The following TXN2 variants were observed in gnomAD, a reference collection of about 807,000 sequenced individuals.
TXN2 encodes the protein thioredoxin, mitochondrial.
In TXN2, 12 loss-of-function variants were observed where a neutral mutation model predicts 14.6. The ratio of observed to expected loss-of-function variants is 0.82; its 90% confidence interval spans 0.53 to 1.33. The LOEUF (loss-of-function observed/expected upper bound fraction) is 1.33. Ranked by LOEUF, TXN2 falls within the 40% of genes most tolerant of loss-of-function variation. The pLI is 0.00. For synonymous variants in TXN2, 89 were observed against 81.0 expected (o/e 1.10, Z -0.53); for missense variants, 173 against 207.7 (o/e 0.83, Z 1.03).
intron 2 of TXN2, 31 bp from the exon 3 acceptor site, chr22:36,476,887 A>C (rs1490918524): frequency 1.9e-6 from 3 of 1,613,758 alleles, no homozygotes; most frequent in Non-Finnish European, 2.5e-6. Context: ...GCATCCAGTC[A>C]GTCAAAAGAG....
Position 36,478,685 on chromosome 22 carries a change from G to A in TXN2, c.264-1829C>T, listed in dbSNP as rs140952673. ...GGTTTTAAATGCTGAAAAATAGGCC[G>A]GGCATAATGGCTCACACCTGTAATC... On this transcript the variant is annotated intron_variant, in intron 2 of 3. Transcript: ENST00000216185. Among the ~76,000 whole-genome samples, 674 of 152,242 alleles carry A rather than the reference G, an allele frequency of 4.4e-3. 3 individuals carry two copies. The highest frequency in any genetic ancestry group is 0.015 in the African/African-American group (643 of 41,546).
At chr22:36,476,703 T>C in intron 3 of TXN2, 30 bp downstream of exon 3, 1 of 1,613,538 alleles carries the variant, frequency 6.2e-7, no homozygotes, top group Non-Finnish European at 8.5e-7. Flanking sequence ...TATACTGGCT[T>C]CCCTGTGGCA....
At position 36,467,601 on chromosome 22, in the gene TXN2, C is replaced by T; in HGVS notation, c.*203G>A. On this transcript the variant is annotated 3_prime_UTR_variant, in exon 4 of 4. Transcript: ENST00000216185. ...GGCGTATGGGAGGGAAGACAGCGGT[C>T]CCCGGATCAGCAGCAGCACCACCAT... The T allele has an allele frequency of 5.3e-6, 3 of 566,904 alleles. No individual in the cohort carries two copies. 35.1% of individuals were successfully genotyped at this position (566,904 alleles called of 1,614,324 possible). A position where few individuals can be genotyped will look rare whatever the true frequency, so the allele number is the denominator to read the frequency against.
intron 2 of TXN2, among the ~76,000 whole-genome samples, chr22:36,478,235 G>T (rs1396466999): frequency 6.6e-6 from 1 of 151,936 alleles, no homozygotes; most frequent in African/African-American, 2.4e-5. Flanking sequence ...CTGATCATAG[G>T]TATTCCCCTC....
chr22:36,471,505 G>A (rs1033866072), intron 3 of TXN2, among the ~76,000 whole-genome samples: 3 of 152,218 alleles, frequency 2.0e-5, no homozygotes, highest in East Asian at 1.9e-4. Context: ...CCTCCTCCTC[G>A]GCTCATTGCA....
In TXN2 at chr22:36,467,091, A is replaced by G; in HGVS notation, c.*713T>C. 6.5e-6 allele frequency: 1 copy of G among 153,466 alleles called. No individual in the cohort carries two copies. Among genetic ancestry groups the G allele is most frequent in the African/African-American group, 2.4e-5 (1 of 41,574 alleles). The allele number at this position is 153,466 out of a possible 1,614,324, so 9.5% of individuals were successfully genotyped here. On this transcript the variant is annotated 3_prime_UTR_variant, in exon 4 of 4. Transcript: ENST00000216185. ...TATTTGTCTGACTTGTTCACAGTTC[A>G]GCCCCCTGCTCAGAAAACCAACGGG...
At chr22:36,468,766 G>A in intron 3 of TXN2, 3 of 393,330 alleles carry the variant, frequency 7.6e-6, no homozygotes, top group South Asian at 5.6e-5. Flanking sequence ...CTCAGGCTGG[G>A]CGCGGTGGCT....
In TXN2 at chr22:36,467,867, G is replaced by A. The variant is rs770282936; in HGVS notation, c.438C>T (p.Asp146=). The change falls in exon 4 of 4, where the codon GAC becomes GAT. Residue 146 remains aspartate, a synonymous_variant. Coordinates refer to ENST00000216185, the MANE Select transcript of TXN2 (RefSeq NM_012473.4). ...CCTCATCCTTGATGCCCACAAACTT[G>A]TCCACCACGTCCCCATTCTTCATGG... ...VLAMKNGDVV[D]KFVGIKDEDQ... 6 of 1,614,102 alleles carry A rather than the reference G, an allele frequency of 3.7e-6. No homozygotes were observed. Among genetic ancestry groups the A allele is most frequent in the South Asian group, 2.2e-5 (2 of 91,090 alleles).
At chr22:36,471,659 A>T (rs1933277611) in intron 3 of TXN2, among the ~76,000 whole-genome samples, 2 of 152,194 alleles carry the variant, frequency 1.3e-5, no homozygotes, top group Non-Finnish European at 2.9e-5. Context: ...TCAAAGGGTG[A>T]GCAACTGTTC....
chr22:36,481,400 G>A (rs1933499723), intron 1 of TXN2, 164 bp downstream of exon 1: 1 of 168,780 alleles, frequency 5.9e-6, no homozygotes, highest in African/African-American at 2.4e-5. Flanking sequence ...AATAAAGAAG[G>A]GACATGTGTG....
Position 36,467,450 on chromosome 22 carries a change from T to G in TXN2, c.*354A>C. ...TGGCAGACGAGCCAGGCACGAGGTT[T>G]CAGATTGGAAGGGACCAAGATGAGG... On this transcript the variant is annotated 3_prime_UTR_variant, in exon 4 of 4. Coordinates refer to ENST00000216185, the MANE Select transcript of TXN2 (RefSeq NM_012473.4). 1 of 219,488 alleles carries G rather than the reference T, an allele frequency of 4.6e-6. No homozygotes were observed. Among genetic ancestry groups the G allele is most frequent in the Non-Finnish European group, 9.1e-6 (1 of 110,232 alleles). 13.6% of individuals were successfully genotyped at this position (219,488 alleles called of 1,614,324 possible).
intron 2 of TXN2, among the ~76,000 whole-genome samples, chr22:36,478,582 C>T (rs1165818908): frequency 2.0e-5 from 3 of 152,092 alleles, no homozygotes; most frequent in East Asian, 1.9e-4. Context: ...TTCCGCCTCC[C>T]GGGTTCAAGC....
In TXN2 at chr22:36,476,702, TTCCCTGTGGCAAC is replaced by T. The variant is rs768831310; in HGVS notation, c.387+18_387+30del. ...TGGGCCTGACACCTCCTATACTGGC[TTCCCTGTGGCAAC>T]TCCCTGTCAATCCATACCTCATACT... On this transcript the variant is annotated intron_variant, in intron 3 of 3. Transcript: ENST00000216185. 6.2e-7 allele frequency: 1 copy of T among 1,613,852 alleles called. No homozygotes were observed. Among genetic ancestry groups the T allele is most frequent in the South Asian group, 1.1e-5 (1 of 91,054 alleles).
chr22:36,473,169 G>A (rs1479005877), intron 3 of TXN2, among the ~76,000 whole-genome samples: 2 of 152,304 alleles, frequency 1.3e-5, no homozygotes, highest in South Asian at 2.1e-4. Flanking sequence ...TAGGCCAGGT[G>A]TAGTGGCTCA....
chr22:36,470,893 G>A (rs1378239843), intron 3 of TXN2, among the ~76,000 whole-genome samples: 1 of 152,132 alleles, frequency 6.6e-6, no homozygotes, highest in Non-Finnish European at 1.5e-5. Context: ...GACAGCAGAT[G>A]TGCTGTCAAT....
intron 1 of TXN2, 95 bp downstream of exon 1, chr22:36,481,454 TCCGGCGAGCTAGATC>T (rs755538021): frequency 2.4e-5 from 9 of 368,078 alleles, no homozygotes; most frequent in Non-Finnish European, 3.6e-5. Flanking sequence ...ACCCTGGCTC[TCCGGCGAGCTAGATC>T]CCCCCGCCCG....
intron 3 of TXN2, among the ~76,000 whole-genome samples, chr22:36,469,061 AATAAATAAATAC>A (rs148905063): frequency 0.044 from 6,584 of 151,014 alleles, 326 homozygotes; most frequent in African/African-American, 0.12. Context: ...TAAATAAATA[AATAAATAAATAC>A]ATAAATAAAG....
intron 2 of TXN2, among the ~76,000 whole-genome samples, chr22:36,478,679 T>C (rs990195007): frequency 6.6e-5 from 10 of 151,938 alleles, no homozygotes; most frequent in Non-Finnish European, 1.3e-4. Context: ...TGCTGAAAAA[T>C]AGGCCGGGCA....
chr22:36,479,553 A>T (rs924419718), intron 2 of TXN2, among the ~76,000 whole-genome samples: 2 of 151,996 alleles, frequency 1.3e-5, no homozygotes, highest in African/African-American at 4.8e-5. Flanking sequence ...GCAGGTCTCA[A>T]ACTCCTGACC....
Sources: allele counts gnomAD v4.1 joint callset (sites outside exome capture counted in the v4.1 genomes callset), GRCh38; gene constraint gnomAD v4.1.1; transcripts MANE v1.5; gene names NCBI Gene and HGNC (gene_info 2026-07-23, HGNC 2026-07-21).